Variants in RPRD1A observed in about 807,000 individuals in gnomAD.
RPRD1A encodes the protein regulation of nuclear pre-mRNA domain-containing protein 1A.
RPRD1A carries 9 observed loss-of-function variants against 37.8 expected under a neutral mutation model. The observed-to-expected ratio is 0.24, with a 90% CI of 0.14 to 0.42. The LOEUF (loss-of-function observed/expected upper bound fraction) is 0.42. Among genes scored for constraint, RPRD1A ranks in the 10% least tolerant of loss-of-function variants. RPRD1A has a pLI of 1.00. For missense variants in RPRD1A, 255 were observed against 371.0 expected (o/e 0.69, Z 2.57); for synonymous variants, 138 against 139.7 (o/e 0.99, Z 0.08).
At chr18:36,051,627 C>G (rs1431689967) in intron 1 of RPRD1A, among the ~76,000 whole-genome samples, 1 of 152,154 alleles carries the variant, frequency 6.6e-6, no homozygotes, top group Non-Finnish European at 1.5e-5. Flanking sequence ...CTATTGTATG[C>G]TAGGTTCTGA....
chr18:36,010,035 A>G (rs935790226), intron 6 of RPRD1A, among the ~76,000 whole-genome samples: 9 of 152,208 alleles, frequency 5.9e-5, no homozygotes, highest in African/African-American at 2.2e-4. Context: ...ATTTACATAC[A>G]TCTTTGTAAT....
chr18:36,034,061 TATTAA>T (rs1404055137), intron 1 of RPRD1A, among the ~76,000 whole-genome samples: 8 of 152,130 alleles, frequency 5.3e-5, no homozygotes. Flanking sequence ...CTCTATCCTG[TATTAA>T]ATTTTAGTAA....
Position 35,992,929 on chromosome 18 carries a change from T to G in RPRD1A, c.*222A>C. ...TTGAAAATAATCACTATTTGTGAGC[T>G]TATTAATACACACAAATCATCACTT... is the stretch of plus-strand genomic sequence containing the variant. On this transcript the variant is annotated 3_prime_UTR_variant, in exon 7 of 7. Coordinates refer to ENST00000399022, the MANE Select transcript of RPRD1A (RefSeq NM_018170.5). 2.6e-6 allele frequency: 1 copy of G among 380,850 alleles called. No individual in the cohort carries two copies. Among genetic ancestry groups the G allele is most frequent in the Non-Finnish European group, 4.6e-6 (1 of 218,854 alleles). 23.6% of individuals were successfully genotyped at this position (380,850 alleles called of 1,614,324 possible). A position where few individuals can be genotyped will look rare whatever the true frequency, so the allele number is the denominator to read the frequency against.
chr18:36,040,398 A>C (rs1912495448), intron 1 of RPRD1A, among the ~76,000 whole-genome samples: 1 of 152,214 alleles, frequency 6.6e-6, no homozygotes, highest in African/African-American at 2.4e-5. Flanking sequence ...TGGCAGAAAG[A>C]AGCTCCCCTC....
intron 6 of RPRD1A, among the ~76,000 whole-genome samples, chr18:36,022,846 T>C (rs1395394333): frequency 1.3e-5 from 2 of 152,186 alleles, no homozygotes; most frequent in African/African-American, 4.8e-5. Context: ...CCTGCAGTCC[T>C]AGCTACTTTG....
rs190288413 is a variant in RPRD1A at position 36,006,993 on chromosome 18, T to G, written c.790-13693A>C. On this transcript the variant is annotated intron_variant, in intron 6 of 6. Coordinates refer to ENST00000399022, the MANE Select transcript of RPRD1A (RefSeq NM_018170.5). ...GGCATGAATAAAGCTGTATTATGTG[T>G]TCCTGTCTTCTTTACTCTTCCTAGT... Among the ~76,000 whole-genome samples, 120 of 152,334 alleles carry G rather than the reference T, an allele frequency of 7.9e-4. 1 individual carries two copies. Among genetic ancestry groups the G allele is most frequent in the African/African-American group, 2.7e-3 (112 of 41,578 alleles).
intron 6 of RPRD1A, among the ~76,000 whole-genome samples, chr18:36,003,315 C>G (rs1909535745): frequency 6.6e-6 from 1 of 152,226 alleles, no homozygotes; most frequent in Non-Finnish European, 1.5e-5. Context: ...ACTAAACTAG[C>G]TGTGTCACCA....
At chr18:36,020,584 G>A (rs1012303356) in intron 6 of RPRD1A, among the ~76,000 whole-genome samples, 4 of 152,154 alleles carry the variant, frequency 2.6e-5, no homozygotes, top group Non-Finnish European at 5.9e-5. Context: ...GTTAACTGAA[G>A]AGATGTTCTC....
In RPRD1A at chr18:36,026,891, G is replaced by A. The variant is rs781573454; in HGVS notation, c.789+9C>T. On this transcript the variant is annotated intron_variant, in intron 6 of 6. Coordinates refer to ENST00000399022, the MANE Select transcript of RPRD1A (RefSeq NM_018170.5). ...TAAATAAGCACTAAAGAAGAAAAAG[G>A]TTACGCACTTCCAATTTATGCTCTT... The A allele has an allele frequency of 4.3e-6, 7 of 1,609,866 alleles. No individual in the cohort carries two copies. The African/African-American group carries it at 9.4e-5, about 22-fold the overall frequency.
Position 35,997,459 on chromosome 18 carries a change from GTA to G in RPRD1A, c.790-4161_790-4160del, listed in dbSNP as rs1367719925. ...CTTTCACACATGTGTATATACATAT[GTA>G]TCTCTTAAGAAATGCAACATTCATA... On this transcript the variant is annotated intron_variant, in intron 6 of 6. Coordinates refer to ENST00000399022, the MANE Select transcript of RPRD1A (RefSeq NM_018170.5). 3.9e-5 allele frequency among the ~76,000 whole-genome samples: 6 copies of G among 152,250 alleles called. No individual in the cohort carries two copies. In the East Asian group the frequency reaches 1.2e-3, roughly 29 times the overall value.
intron 1 of RPRD1A, among the ~76,000 whole-genome samples, chr18:36,047,418 A>T (rs1913037158): frequency 6.6e-6 from 1 of 151,938 alleles, no homozygotes; most frequent in Non-Finnish European, 1.5e-5. Flanking sequence ...CACCTCAAGA[A>T]CCTAGAAAAA....
intron 2 of RPRD1A, among the ~76,000 whole-genome samples, chr18:36,031,635 A>G (rs1911797741): frequency 6.6e-6 from 1 of 152,168 alleles, no homozygotes; most frequent in Non-Finnish European, 1.5e-5. Context: ...ATATGGGGAA[A>G]TGAAAAACAG....
At chr18:36,044,666 C>T (rs189237662) in intron 1 of RPRD1A, among the ~76,000 whole-genome samples, 309 of 151,450 alleles carry the variant, frequency 2.0e-3, no homozygotes, top group Non-Finnish European at 3.2e-3. Context: ...CCAGCCTGGA[C>T]GACAGAGCGA....
At chr18:36,053,034 G>A (rs1913510797) in intron 1 of RPRD1A, 1 of 152,138 alleles carries the variant, frequency 6.6e-6, no homozygotes, top group Non-Finnish European at 1.5e-5. Flanking sequence ...ATTCTTCCCA[G>A]GAGAGACTAT....
Position 35,998,766 on chromosome 18 carries a change from C to T in RPRD1A, c.790-5466G>A, listed in dbSNP as rs1568112037. 7.9e-5 allele frequency among the ~76,000 whole-genome samples: 12 copies of T among 152,334 alleles called. No homozygotes were observed. The South Asian group carries it at 2.5e-3, about 32-fold the overall frequency. ...GTTCTTAGCATCCTTACTCTAGGCT[C>T]CTAGCTGAAACTATCTCTGCGCTGT... On this transcript the variant is annotated intron_variant, in intron 6 of 6. Coordinates refer to ENST00000399022, the MANE Select transcript of RPRD1A (RefSeq NM_018170.5).
intron 1 of RPRD1A, among the ~76,000 whole-genome samples, chr18:36,046,813 T>G: frequency 6.8e-6 from 1 of 146,626 alleles, no homozygotes; most frequent in African/African-American, 2.5e-5. Context: ...TCAGCCTGGG[T>G]GACAGTGAGA....
At chr18:36,061,164 C>T (rs1189880114) in intron 1 of RPRD1A, among the ~76,000 whole-genome samples, 4 of 152,112 alleles carry the variant, frequency 2.6e-5, no homozygotes, top group Admixed American at 6.6e-5. Context: ...GATGATTTCC[C>T]TCTAACTAAA....
intron 6 of RPRD1A, among the ~76,000 whole-genome samples, chr18:36,017,627 T>C (rs1163485266): frequency 6.6e-6 from 1 of 152,250 alleles, no homozygotes; most frequent in Non-Finnish European, 1.5e-5. Context: ...ATTAAGGACT[T>C]CGTCTCAAGA....
chr18:36,063,094 T>C (rs1206549888), intron 1 of RPRD1A: 1 of 152,186 alleles, frequency 6.6e-6, no homozygotes, highest in Non-Finnish European at 1.5e-5. Context: ...GAGACAAAGA[T>C]AAGGAAGGTA....
Sources: allele counts gnomAD v4.1 joint callset (sites outside exome capture counted in the v4.1 genomes callset), GRCh38; gene constraint gnomAD v4.1.1; transcripts MANE v1.5; gene names NCBI Gene and HGNC (gene_info 2026-07-23, HGNC 2026-07-21).